Variants in COP1 observed in about 807,000 individuals in gnomAD.
COP1 encodes COP1 E3 ubiquitin ligase.
A neutral mutation model predicts 101.3 loss-of-function variants in COP1; 24 were observed. The observed-to-expected ratio is 0.24, with a 90% confidence interval of 0.17 to 0.33. The LOEUF (loss-of-function observed/expected upper bound fraction) is 0.33. COP1 is among the 10% of genes least tolerant of loss of function. COP1 has a pLI of 1.00. For synonymous variants in COP1, 347 were observed against 341.9 expected, an observed-to-expected ratio of 1.01 and a Z score of -0.17; for missense variants, 663 against 906.2, an observed-to-expected ratio of 0.73 and a Z score of 3.45.
chr1:175,959,719 A>C (rs142508386), intron 18 of COP1, among the ~76,000 whole-genome samples: 20 of 152,234 alleles, frequency 1.3e-4, no homozygotes, highest in African/African-American at 4.6e-4. Flanking sequence ...TAATATACAC[A>C]TGTGGTAAAA....
intron 8 of COP1, 41 bp from the exon 9 acceptor site, chr1:176,116,722 A>C (rs1157860230): frequency 2.9e-6 from 4 of 1,401,694 alleles, no homozygotes; most frequent in Non-Finnish European, 4.0e-6. Context: ...CAGTATTTAC[A>C]TTATTTTAAC....
intron 9 of COP1, among the ~76,000 whole-genome samples, chr1:176,091,345 C>CAAAAAAAAAAAA (rs71129552): frequency 8.0e-6 from 1 of 125,356 alleles, no homozygotes; most frequent in African/African-American, 3.2e-5. Context: ...GACTCCGTCT[C>CAAAAAAAAAAAA]AAAAAAAAAA....
intron 11 of COP1, among the ~76,000 whole-genome samples, chr1:176,063,437 T>C (rs959297934): frequency 1.3e-5 from 2 of 152,238 alleles, no homozygotes; most frequent in African/African-American, 4.8e-5. Flanking sequence ...ATATAAATTA[T>C]ACTTCAGTAA....
intron 9 of COP1, among the ~76,000 whole-genome samples, chr1:176,095,177 C>T (rs999462124): frequency 6.6e-6 from 1 of 152,170 alleles, no homozygotes; most frequent in African/African-American, 2.4e-5. Flanking sequence ...TCAAGGAATA[C>T]ATACAAAATA....
chr1:176,184,571 C>G, intron 2 of COP1, 62 bp downstream of exon 2: 4 of 1,310,550 alleles, frequency 3.1e-6, no homozygotes, highest in South Asian at 1.3e-5. Flanking sequence ...TTCTCATTGG[C>G]TACATTTACA....
chr1:175,992,376 G>A (rs1320357725), intron 15 of COP1, among the ~76,000 whole-genome samples: 1 of 152,224 alleles, frequency 6.6e-6, no homozygotes, highest in Non-Finnish European at 1.5e-5. Flanking sequence ...TCTCACTAGG[G>A]AGTGCCAGAC....
intron 1 of COP1, among the ~76,000 whole-genome samples, chr1:176,185,990 A>G (rs1698393696): frequency 3.9e-5 from 6 of 152,216 alleles, no homozygotes; most frequent in Admixed American, 3.9e-4. Flanking sequence ...TCAAATATGT[A>G]TAGATGATAT....
intron 1 of COP1, among the ~76,000 whole-genome samples, chr1:176,204,295 GAAGCAT>G (rs1171106544): frequency 1.3e-5 from 2 of 152,138 alleles, no homozygotes; most frequent in African/African-American, 2.4e-5. Flanking sequence ...AATAAAACGT[GAAGCAT>G]AAGCATATCT....
At chr1:176,000,398 G>T (rs1166790787) in intron 15 of COP1, among the ~76,000 whole-genome samples, 1 of 152,016 alleles carries the variant, frequency 6.6e-6, no homozygotes, top group East Asian at 1.9e-4. Context: ...TGTCAAAAAT[G>T]AGTTCACTGT....
At chr1:176,097,100 A>G (rs564666873) in intron 9 of COP1, among the ~76,000 whole-genome samples, 1 of 152,364 alleles carries the variant, frequency 6.6e-6, no homozygotes, top group Admixed American at 6.5e-5. Flanking sequence ...GGATGGCTAA[A>G]GTCAGGTAAT....
chr1:176,060,564 T>G (rs367592782), intron 11 of COP1, among the ~76,000 whole-genome samples: 1 of 152,166 alleles, frequency 6.6e-6, no homozygotes, highest in African/African-American at 2.4e-5. Context: ...CTTTTGAAAC[T>G]GCAAAATAAA....
chr1:175,960,856 G>A (rs2148534894), intron 18 of COP1, among the ~76,000 whole-genome samples: 1 of 152,316 alleles, frequency 6.6e-6, no homozygotes, highest in South Asian at 2.1e-4. Context: ...AACTGGCAAA[G>A]CACTACTTCT....
At chr1:176,172,628 A>C (rs571666339) in intron 3 of COP1, among the ~76,000 whole-genome samples, 1 of 152,348 alleles carries the variant, frequency 6.6e-6, no homozygotes, top group South Asian at 2.1e-4. Flanking sequence ...AGGAAATCTG[A>C]AATCATTTTA....
intron 1 of COP1, among the ~76,000 whole-genome samples, chr1:176,197,928 A>G (rs1471091820): frequency 6.6e-6 from 1 of 152,174 alleles, no homozygotes; most frequent in South Asian, 2.1e-4. Flanking sequence ...AACATAAAAT[A>G]CTTAGGGGTA....
chr1:176,153,965 T>G (rs1312897950), intron 5 of COP1, among the ~76,000 whole-genome samples: 1 of 152,190 alleles, frequency 6.6e-6, no homozygotes, highest in Admixed American at 6.5e-5. Flanking sequence ...TGGATAAGCT[T>G]TTTGGTGTAC....
chr1:176,151,314 AGAAAGAAGGAAAGAAAGAAAGAAG>A (rs1373860013), intron 5 of COP1, among the ~76,000 whole-genome samples: 3 of 143,058 alleles, frequency 2.1e-5, no homozygotes, highest in Middle Eastern at 3.5e-3. Flanking sequence ...AAGGAGAGAA[AGAAAGAAGGAAAGAAAGAAAGAAG>A]GAAGGAAAGA....
rs547229624 is a variant in COP1 at position 176,169,286 on chromosome 1, A to C, written c.566-5395T>G. Among the ~76,000 whole-genome samples, 9 of 152,300 alleles carry C rather than the reference A, an allele frequency of 5.9e-5. No individual in the cohort carries two copies. The South Asian group carries it at 1.4e-3, about 25-fold the overall frequency. On this transcript the variant is annotated intron_variant, in intron 3 of 19. Coordinates refer to ENST00000367669, the MANE Select transcript of COP1 (RefSeq NM_022457.7). ...TGGTAAACGGTACATTCACTATAGA[A>C]TTTTATGTCTAAGACTTCATAAAAT...
chr1:176,089,025 G>A (rs570295099), intron 9 of COP1, among the ~76,000 whole-genome samples: 15 of 149,392 alleles, frequency 1.0e-4, no homozygotes, highest in Middle Eastern at 3.7e-3. Context: ...TATTTAGGCC[G>A]GGCGTGGTGG....
intron 5 of COP1, among the ~76,000 whole-genome samples, chr1:176,156,078 C>CA (rs1470372131): frequency 6.7e-6 from 1 of 149,822 alleles, no homozygotes; most frequent in Non-Finnish European, 1.5e-5. Context: ...CTTCAAAAGC[C>CA]AAAATAACAA....
Sources: gnomAD v4.1 joint callset for allele counts (sites outside exome capture counted in the v4.1 genomes callset) on GRCh38, gnomAD v4.1.1 for gene constraint, MANE v1.5 for transcripts, NCBI Gene and HGNC (gene_info 2026-07-23, HGNC 2026-07-21) for gene names.